The following CHID1 variants were observed in gnomAD, a reference collection of about 807,000 sequenced individuals.
CHID1 encodes chitinase domain containing 1, also known as chitinase domain-containing protein 1.
Under a neutral mutation model 55.4 loss-of-function variants are expected in CHID1, and 44 were observed. That is an observed-to-expected ratio of 0.79 (90% confidence interval 0.62 to 1.02). CHID1 has a LOEUF of 1.02. CHID1 is among the 50% of genes least tolerant of loss of function. The pLI, the probability that CHID1 is intolerant of heterozygous loss-of-function variation, is 0.00. For missense variants in CHID1, 491 were observed against 515.3 expected (o/e 0.95, Z 0.46); for synonymous variants, 216 against 212.9 (o/e 1.01, Z -0.13).
chr11:914,492 G>A, upstream of CHID1: 1 of 1,282,764 alleles, frequency 7.8e-7, no homozygotes, highest in Non-Finnish European at 1.0e-6. Context: ...CTGCTGACTG[G>A]ATCCCTGCTT....
intron 2 of CHID1, 99 bp from the exon 3 acceptor site, chr11:903,210 AGTCTCTG>A: frequency 8.0e-7 from 1 of 1,254,576 alleles, no homozygotes; most frequent in Non-Finnish European, 1.1e-6. Context: ...CCAGCAGCCG[AGTCTCTG>A]GATCCACACA....
intron 1 of CHID1, among the ~76,000 whole-genome samples, chr11:910,371 G>A (rs1055568616): frequency 1.3e-5 from 2 of 151,966 alleles, no homozygotes; most frequent in Non-Finnish European, 2.9e-5. Context: ...TCTGCCACAC[G>A]AGCCGCGCGC....
chr11:880,771 A>G (rs1057229045), intron 10 of CHID1, among the ~76,000 whole-genome samples: 4 of 152,218 alleles, frequency 2.6e-5, no homozygotes, highest in Admixed American at 1.3e-4. Context: ...GGACCTGCAA[A>G]AACTCGTAAA....
intron 10 of CHID1, among the ~76,000 whole-genome samples, chr11:871,830 C>T (rs1849194665): frequency 7.4e-6 from 1 of 134,370 alleles, no homozygotes; most frequent in South Asian, 2.4e-4. Context: ...CAGGACCGCA[C>T]CTCGAGCCAC....
intron 10 of CHID1, among the ~76,000 whole-genome samples, chr11:872,069 C>T (rs1849213224): frequency 6.6e-6 from 1 of 152,154 alleles, no homozygotes; most frequent in Admixed American, 6.5e-5. Context: ...GGAGGCTGCT[C>T]TGCAGACATC....
In CHID1 at chr11:868,941, G is replaced by C. The variant is rs1489826979; in HGVS notation, c.*917C>G. ...CAGCCCTGTGGGACCCAGTGGTGAG[G>C]AGGGGAGTCCTCACGGCCAGCCAAG... is the stretch of plus-strand genomic sequence containing the variant. On this transcript the variant is annotated 3_prime_UTR_variant, in exon 13 of 13. Coordinates refer to ENST00000323578, the MANE Select transcript of CHID1 (RefSeq NM_023947.4). 1 of 152,272 alleles carries C rather than the reference G, an allele frequency of 6.6e-6. No homozygotes were observed. The highest frequency in any genetic ancestry group is 1.5e-5 in the Non-Finnish European group (1 of 68,100). The allele number at this position is 152,272 out of a possible 1,614,324, so 9.4% of individuals were successfully genotyped here. A position where few individuals can be genotyped will look rare whatever the true frequency, so the allele number is the denominator to read the frequency against.
At position 868,172 on chromosome 11, in the gene CHID1, CA is replaced by C. The variant is rs1261282018; in HGVS notation, c.*1685del. 3.9e-5 allele frequency: 6 copies of C among 152,096 alleles called. No homozygotes were observed. Among genetic ancestry groups the C allele is most frequent in the Non-Finnish European group, 1.5e-5 (1 of 68,048 alleles). 9.4% of individuals were successfully genotyped at this position (152,096 alleles called of 1,614,324 possible). Reference sequence around the variant, plus strand: ...CCCAGACCTGCGTGTCCCCCACCCTCACTCCAACAGAAGCCACAGGACCCCC... The same window carrying C: ...CCCAGACCTGCGTGTCCCCCACCCTCCTCCAACAGAAGCCACAGGACCCCC... On this transcript the variant is annotated 3_prime_UTR_variant, in exon 13 of 13. Transcript: ENST00000323578.
Position 875,273 on chromosome 11 carries a change from C to T in CHID1, c.960-4774G>A, listed in dbSNP as rs575126467. Among the ~76,000 whole-genome samples, 24 of 152,348 alleles carry T rather than the reference C, an allele frequency of 1.6e-4. No individual in the cohort carries two copies. Among genetic ancestry groups the T allele is most frequent in the African/African-American group, 5.8e-4 (24 of 41,582 alleles). The stretch of plus-strand genomic sequence containing the variant: ...TTGAGTTCAACCAGACAGCCCTCCT[C>T]GGTGGGTGGCCATCCTTCTTCGGGG... On this transcript the variant is annotated intron_variant, in intron 10 of 12. Transcript: ENST00000323578. This position sits in a 1 kb window ranked among gnomAD's most constrained non-coding sequence, Gnocchi z 4.7.
rs1228846190 is a variant in CHID1, at chr11:893,468, C to A, written c.660G>T (p.Arg220=). ...THLAEALHQA[R]LLALLVIPPA... is the part of the protein sequence containing the mutation. ...GCGGGATGACCAGGAGGGCCAGCAGCCGGGCCTGGTGCAGAGCCTCGGCCA... is the reference window on the plus strand; with the variant it reads ...GCGGGATGACCAGGAGGGCCAGCAGACGGGCCTGGTGCAGAGCCTCGGCCA... The change falls in exon 8 of 13, where the codon CGG becomes CGT. Residue 220 remains arginine (R), a synonymous_variant. Transcript: ENST00000323578. 2 of 1,551,856 alleles carry A rather than the reference C, an allele frequency of 1.3e-6. No homozygotes were observed. The highest frequency in any genetic ancestry group is 8.7e-7 in the Non-Finnish European group (1 of 1,147,328).
rs1338414666 is a variant in CHID1 at position 906,440 on chromosome 11, C to T, written c.-43-1581G>A. Among the ~76,000 whole-genome samples, 5 of 152,172 alleles carry T rather than the reference C, an allele frequency of 3.3e-5. No individual in the cohort carries two copies. The South Asian group carries it at 6.2e-4, about 19-fold the overall frequency. On this transcript the variant is annotated intron_variant, in intron 1 of 12. Transcript: ENST00000323578. ...TTTTAGTAGAAATGGGGTTTCGCCACGTTGGCCAGGTTGGTCTCAAGCTCC... is the reference window on the plus strand; with the variant it reads ...TTTTAGTAGAAATGGGGTTTCGCCATGTTGGCCAGGTTGGTCTCAAGCTCC...
chr11:893,146 A>C (rs1184264796), intron 8 of CHID1, among the ~76,000 whole-genome samples: 3 of 152,140 alleles, frequency 2.0e-5, no homozygotes, highest in African/African-American at 7.2e-5. Flanking sequence ...GGGTGCCCCC[A>C]GCCAAGCCAG....
intron 8 of CHID1, among the ~76,000 whole-genome samples, chr11:889,636 G>A (rs1850654569): frequency 6.6e-6 from 1 of 152,140 alleles, no homozygotes; most frequent in Non-Finnish European, 1.5e-5. Context: ...ATGGTCCCTA[G>A]TCCCTGCCAG....
rs1232394257 is a variant in CHID1, at chr11:879,007, C to T, written c.959+4141G>A. ...GACTACAGGTGCCCTCCACCACGCC[C>T]GGCTAATTTTTTGTATTTTTAGTAA... On this transcript the variant is annotated intron_variant, in intron 10 of 12. Transcript: ENST00000323578. Among the ~76,000 whole-genome samples, 5 of 152,066 alleles carry T rather than the reference C, an allele frequency of 3.3e-5. No individual in the cohort carries two copies. In the East Asian group the frequency reaches 7.7e-4, roughly 24 times the overall value.
rs902453554 is a variant in CHID1, at chr11:889,930, C to T, written c.701+3497G>A. On this transcript the variant is annotated intron_variant, in intron 8 of 12. Transcript: ENST00000323578. ...CTGTCAGAGATTTCTGAACCCGCTC[C>T]CCATGGCCTTGGGTCGCCTGGCCCC... 2.0e-5 allele frequency among the ~76,000 whole-genome samples: 3 copies of T among 152,296 alleles called. 1 individual carries two copies. Among genetic ancestry groups the T allele is most frequent in the Admixed American group, 6.5e-5 (1 of 15,300 alleles).
upstream of CHID1, among the ~76,000 whole-genome samples, chr11:913,901 C>T (rs1237367425): frequency 6.6e-6 from 1 of 152,030 alleles, no homozygotes. Flanking sequence ...CCCGTCTCTA[C>T]TAAAAATACA....
intron 9 of CHID1, among the ~76,000 whole-genome samples, chr11:883,635 C>G (rs375508016): frequency 2.0e-5 from 3 of 152,218 alleles, no homozygotes; most frequent in African/African-American, 7.2e-5. Flanking sequence ...CACTCATGTG[C>G]GGCCCCCACC....
At chr11:904,987 C>T in intron 1 of CHID1, 128 bp from the exon 2 acceptor site, 1 of 1,026,622 alleles carries the variant, frequency 9.7e-7, no homozygotes, top group Non-Finnish European at 1.4e-6. Flanking sequence ...GGACCCTTGG[C>T]CACTGGGACA....
chr11:914,647 C>T, upstream of CHID1: 9 of 1,035,958 alleles, frequency 8.7e-6, no homozygotes, highest in African/African-American at 1.6e-5. Context: ...CACTTGAGCC[C>T]AGGACATCAA....
intron 3 of CHID1, among the ~76,000 whole-genome samples, chr11:902,676 C>T (rs532651949): frequency 1.6e-4 from 24 of 152,264 alleles, no homozygotes; most frequent in African/African-American, 5.8e-4. Context: ...CCAGGGTTGG[C>T]TCTGCACATC....
Sources: gnomAD v4.1 joint callset for allele counts (sites outside exome capture counted in the v4.1 genomes callset) on GRCh38, gnomAD v4.1.1 for gene constraint, Gnocchi (gnomAD v3.1) non-coding constraint, MANE v1.5 for transcripts, NCBI Gene and HGNC (gene_info 2026-07-23, HGNC 2026-07-21) for gene names.